BRINP3: variants seen among roughly 807,000 people sequenced by gnomAD.
BRINP3 encodes the protein BMP/retinoic acid-inducible neural-specific protein 3.
In BRINP3, 19 loss-of-function variants were observed where a neutral mutation model predicts 71.0. That is an observed-to-expected ratio of 0.27 (90% confidence interval 0.19 to 0.39). BRINP3 has a LOEUF of 0.39. Among genes scored for constraint, BRINP3 ranks in the 10% least tolerant of loss-of-function variants. The probability of loss-of-function intolerance (pLI) is 1.00; values close to 1 mark genes in which losing one functional copy is unlikely to be tolerated. For missense variants in BRINP3, 959 were observed against 940.8 expected, an observed-to-expected ratio of 1.02 and a Z score of -0.25; for synonymous variants, 380 against 337.7, an observed-to-expected ratio of 1.13 and a Z score of -1.37.
At position 190,256,539 on chromosome 1, in the gene BRINP3, C is replaced by T. The variant is rs781000883; in HGVS notation, c.618+8326G>A. On this transcript the variant is annotated intron_variant, in intron 4 of 7. Transcript: ENST00000367462. The stretch of plus-strand genomic sequence containing the variant: ...TTTGATCTTTTCATTATGATGTTAG[C>T]TGGTTATTTTGCCCGTTAGTTGATG... Among the ~76,000 whole-genome samples the T allele has an allele frequency of 2.0e-5, 3 of 152,024 alleles. No individual in the cohort carries two copies. The South Asian group carries it at 6.2e-4, about 31-fold the overall frequency.
At chr1:190,100,645 T>A (rs1013013148) in intron 7 of BRINP3, among the ~76,000 whole-genome samples, 2 of 152,208 alleles carry the variant, frequency 1.3e-5, no homozygotes, top group Admixed American at 6.5e-5. Context: ...AACACTTTAT[T>A]TGACATTTGC....
intron 6 of BRINP3, among the ~76,000 whole-genome samples, chr1:190,222,446 A>G (rs1329012971): frequency 1.3e-5 from 2 of 151,934 alleles, no homozygotes; most frequent in Non-Finnish European, 2.9e-5. Context: ...GCCTAAATTA[A>G]AAGAGTATAA....
chr1:190,206,390 T>A (rs980267167), intron 6 of BRINP3, among the ~76,000 whole-genome samples: 2 of 151,972 alleles, frequency 1.3e-5, no homozygotes, highest in African/African-American at 4.8e-5. Context: ...ACATTGAGGA[T>A]CTGCAAAAAG....
At chr1:190,171,483 T>C (rs1652005631) in intron 6 of BRINP3, among the ~76,000 whole-genome samples, 1 of 152,170 alleles carries the variant, frequency 6.6e-6, no homozygotes, top group South Asian at 2.1e-4. Flanking sequence ...CACCAGTCAA[T>C]GTAAATGGAG....
chr1:190,377,247 AC>A (rs957581782), intron 2 of BRINP3, among the ~76,000 whole-genome samples: 2 of 151,994 alleles, frequency 1.3e-5, no homozygotes, highest in South Asian at 4.1e-4. Flanking sequence ...CATTTCTCAA[AC>A]CACTGAGCAA....
intron 7 of BRINP3, among the ~76,000 whole-genome samples, chr1:190,139,362 G>A (rs1318184699): frequency 2.8e-5 from 4 of 145,404 alleles, no homozygotes; most frequent in African/African-American, 1.0e-4. Flanking sequence ...TTAAGCGGGA[G>A]AATCACTTGA....
chr1:190,227,712 T>C (rs1657532894), intron 5 of BRINP3, among the ~76,000 whole-genome samples: 1 of 151,868 alleles, frequency 6.6e-6, no homozygotes, highest in Non-Finnish European at 1.5e-5. Flanking sequence ...GAGTGATACA[T>C]TAACAGCATC....
intron 2 of BRINP3, among the ~76,000 whole-genome samples, chr1:190,327,147 C>A (rs377237069): frequency 1.3e-5 from 2 of 150,814 alleles, no homozygotes; most frequent in East Asian, 2.0e-4. Context: ...GAAGCCCCAT[C>A]TCTATTAAAA....
chr1:190,214,147 C>A (rs1465782612), intron 6 of BRINP3, among the ~76,000 whole-genome samples: 2 of 152,054 alleles, frequency 1.3e-5, no homozygotes. Flanking sequence ...CCTTCAGGTT[C>A]AGGCCTTCAA....
chr1:190,431,785 T>A (rs1289709548), intron 2 of BRINP3, among the ~76,000 whole-genome samples: 1 of 152,142 alleles, frequency 6.6e-6, no homozygotes, highest in East Asian at 1.9e-4. Flanking sequence ...ACAGTTTTTT[T>A]AAAGAGAATT....
chr1:190,101,321 T>A (rs1651681185), intron 7 of BRINP3, among the ~76,000 whole-genome samples: 1 of 152,164 alleles, frequency 6.6e-6, no homozygotes, highest in Non-Finnish European at 1.5e-5. Context: ...AAACATTACA[T>A]CAATATATGA....
chr1:190,168,258 C>T (rs1277910436), intron 6 of BRINP3, among the ~76,000 whole-genome samples: 1 of 151,928 alleles, frequency 6.6e-6, no homozygotes, highest in Non-Finnish European at 1.5e-5. Flanking sequence ...GCAACAAAGG[C>T]CTGGTTTGAG....
At chr1:190,156,556 T>C (rs914683964) in intron 7 of BRINP3, among the ~76,000 whole-genome samples, 2 of 151,860 alleles carry the variant, frequency 1.3e-5, no homozygotes, top group Non-Finnish European at 2.9e-5. Flanking sequence ...ATTATTCTTT[T>C]AAAATGGAAA....
At chr1:190,417,617 G>T (rs2102441519) in intron 2 of BRINP3, among the ~76,000 whole-genome samples, 1 of 152,116 alleles carries the variant, frequency 6.6e-6, no homozygotes, top group South Asian at 2.1e-4. Context: ...GGCACTTACT[G>T]TAGCATATGT....
chr1:190,232,137 C>A (rs1376822329), intron 5 of BRINP3, among the ~76,000 whole-genome samples: 1 of 151,896 alleles, frequency 6.6e-6, no homozygotes, highest in Non-Finnish European at 1.5e-5. Flanking sequence ...ATCATCTATA[C>A]CTATATCCAT....
chr1:190,098,099 C>T lies in BRINP3; in HGVS notation c.2220G>A (p.Val740=), dbSNP rs768195654. 35 of 1,614,070 alleles carry T rather than the reference C, an allele frequency of 2.2e-5. No homozygotes were observed. The highest frequency in any genetic ancestry group is 3.0e-5 in the Non-Finnish European group (35 of 1,180,042). The change falls in exon 8 of 8, where the codon GTG becomes GTA. Residue 740 remains valine (V), a synonymous_variant. Transcript: ENST00000367462. ...HRLKLSTSEV[V]RIQSALQAFN... ...ACGCCTGCAGAGCAGATTGGATCCT[C>T]ACCACCTCACTAGTAGACAGCTTGA...
chr1:190,405,978 T>C (rs903700222), intron 2 of BRINP3, among the ~76,000 whole-genome samples: 2 of 152,220 alleles, frequency 1.3e-5, no homozygotes, highest in African/African-American at 2.4e-5. Flanking sequence ...ATTTATGATG[T>C]TGAAGCAGCC....
intron 4 of BRINP3, among the ~76,000 whole-genome samples, chr1:190,244,671 C>A (rs934429237): frequency 6.6e-6 from 1 of 152,058 alleles, no homozygotes; most frequent in Admixed American, 6.6e-5. Flanking sequence ...CCATAAGATT[C>A]TCTGCTATAC....
chr1:190,301,244 CATATAT>C lies in BRINP3; in HGVS notation c.237-19500_237-19495del, dbSNP rs368220773. ...ATATATATATATATATACACACATA[CATATAT>C]ATATATATCTTATCACAGTCCACTG... On this transcript the variant is annotated intron_variant, in intron 2 of 7. Transcript: ENST00000367462. Among the ~76,000 whole-genome samples, 628 of 112,786 alleles carry C rather than the reference CATATAT, an allele frequency of 5.6e-3. 7 individuals carry two copies. The highest frequency in any genetic ancestry group is 0.019 in the African/African-American group (571 of 29,964). 74.0% of individuals were successfully genotyped at this position (112,786 alleles called of 152,430 possible).
Sources: allele counts gnomAD v4.1 joint callset (sites outside exome capture counted in the v4.1 genomes callset), GRCh38; gene constraint gnomAD v4.1.1; transcripts MANE v1.5; gene names NCBI Gene and HGNC (gene_info 2026-07-23, HGNC 2026-07-21).